Variants in CIMAP1B observed in about 807,000 individuals in gnomAD.
The protein encoded by CIMAP1B is ciliary microtubule associated protein 1B.
At chr22:50,531,107 C>T in the CIMAP1B span, 2 of 1,590,354 alleles carry the variant, frequency 1.3e-6, no homozygotes, top group Non-Finnish European at 8.6e-7. Context: ...CGGACAGGCG[C>T]AGGGTGGTCC....
the CIMAP1B span, chr22:50,530,647 T>C: frequency 6.3e-7 from 1 of 1,587,066 alleles, no homozygotes; most frequent in Non-Finnish European, 8.6e-7. Flanking sequence ...TCTGATCCCA[T>C]CACTCCGACC....
At chr22:50,530,714 G>A in the CIMAP1B span, 1 of 1,611,988 alleles carries the variant, frequency 6.2e-7, no homozygotes, top group Admixed American at 1.7e-5. Flanking sequence ...CAGGCCACCT[G>A]ATCCACGTTG....
At chr22:50,532,372 G>GAATC in the CIMAP1B span, 5 of 314,108 alleles carry the variant, frequency 1.6e-5, no homozygotes, top group Admixed American at 5.0e-5. Flanking sequence ...TTGGTGAAGG[G>GAATC]AATCACCTGG....
At chr22:50,531,012 G>T in the CIMAP1B span, 41 of 1,610,662 alleles carry the variant, frequency 2.5e-5, no homozygotes, top group Non-Finnish European at 3.4e-5. Flanking sequence ...AGACTTTGCC[G>T]ATGACGCGCG....
the CIMAP1B span, chr22:50,531,572 G>C: frequency 7.0e-7 from 1 of 1,418,628 alleles, no homozygotes. Context: ...GTCCTGACCA[G>C]GTCCCGGAGT....
At chr22:50,531,550 AG>A in the CIMAP1B span, 67 of 1,417,748 alleles carry the variant, frequency 4.7e-5, no homozygotes, top group Admixed American at 2.4e-4. Context: ...TGGGGTGGCC[AG>A]GGGCCCGGGG....
the CIMAP1B span, chr22:50,531,557 C>G: frequency 2.8e-6 from 4 of 1,421,052 alleles, no homozygotes; most frequent in Non-Finnish European, 3.7e-6. Context: ...GCCAGGGGCC[C>G]GGGGGTCCTG....
chr22:50,532,003 GC>G, the CIMAP1B span: 1 of 1,359,354 alleles, frequency 7.4e-7, no homozygotes, highest in Non-Finnish European at 9.5e-7. Context: ...TGGGCCCGGG[GC>G]CTCCGTAGTG....
the CIMAP1B span, chr22:50,530,526 C>G: frequency 6.2e-7 from 1 of 1,600,784 alleles, no homozygotes; most frequent in Non-Finnish European, 8.5e-7. Flanking sequence ...GTCCGAGTGC[C>G]GGATCCCGAA....
chr22:50,532,136 G>A, the CIMAP1B span: 1 of 1,329,530 alleles, frequency 7.5e-7, no homozygotes, highest in Non-Finnish European at 9.7e-7. Context: ...CGGTGGCCGC[G>A]GCCCCTGCAC....
chr22:50,530,540 C>T, the CIMAP1B span: 5 of 1,598,242 alleles, frequency 3.1e-6, no homozygotes, highest in East Asian at 4.5e-5. Flanking sequence ...TCCCGAAACT[C>T]CAGCCGCGGG....
the CIMAP1B span, chr22:50,532,091 G>A: frequency 7.3e-7 from 1 of 1,362,618 alleles, no homozygotes; most frequent in Non-Finnish European, 9.5e-7. Context: ...GCGGGTGGGG[G>A]GCGCTTACGG....
At chr22:50,531,680 G>C in the CIMAP1B span, 1 of 1,371,978 alleles carries the variant, frequency 7.3e-7, no homozygotes, top group Non-Finnish European at 9.4e-7. Flanking sequence ...CAGGTGGCCT[G>C]GCCCGGGGCC....
chr22:50,532,133 C>T, the CIMAP1B span: 5 of 1,329,868 alleles, frequency 3.8e-6, no homozygotes, highest in Non-Finnish European at 4.8e-6. Flanking sequence ...AGGCGGTGGC[C>T]GCGGCCCCTG....
the CIMAP1B span, chr22:50,532,371 G>C: frequency 6.1e-6 from 2 of 328,446 alleles, no homozygotes; most frequent in East Asian, 9.3e-5. Flanking sequence ...CTTGGTGAAG[G>C]GAATCACCTG....
the CIMAP1B span, chr22:50,530,941 C>G: frequency 6.2e-7 from 1 of 1,610,998 alleles, no homozygotes. Flanking sequence ...CCCCACCTTG[C>G]TGAGGTCCTC....
chr22:50,531,514 G>GGGCCTCCCTGGAGGCAGTTC, the CIMAP1B span: 5 of 1,369,410 alleles, frequency 3.7e-6, no homozygotes, highest in African/African-American at 6.0e-5. Flanking sequence ...GTTCCCAGGT[G>GGGCCTCCCTGGAGGCAGTTC]GGCCTCCCTG....
At chr22:50,531,232 G>A in the CIMAP1B span, 1 of 1,612,558 alleles carries the variant, frequency 6.2e-7, no homozygotes, top group Non-Finnish European at 8.5e-7. Flanking sequence ...GTTTCGGGGA[G>A]CAATGGTGTG....
chr22:50,530,972 T>G, the CIMAP1B span: 1 of 1,611,296 alleles, frequency 6.2e-7, no homozygotes, highest in African/African-American at 1.3e-5. Flanking sequence ...CCAGCCGCTC[T>G]GCGGCCGTAG....
Sources: gnomAD v4.1 joint callset for allele counts on GRCh38, gnomAD v4.1.1 for gene constraint, MANE v1.5 for transcripts, NCBI Gene and HGNC (gene_info 2026-07-23, HGNC 2026-07-21) for gene names.